Variants in NYAP2 observed in about 807,000 individuals in gnomAD.
NYAP2 encodes the protein neuronal tyrosine-phosphorylated phosphoinositide-3-kinase adapter 2.
In NYAP2, 23 loss-of-function variants were observed where a neutral mutation model predicts 50.4. The ratio of observed to expected loss-of-function variants is 0.46; its 90% CI spans 0.33 to 0.65. The LOEUF is 0.65. NYAP2 is among the 30% of genes least tolerant of loss of function. The probability of loss-of-function intolerance (pLI) is 0.02; values close to 1 mark genes in which losing one functional copy is unlikely to be tolerated. For synonymous variants in NYAP2, 394 were observed against 365.2 expected (o/e 1.08, Z -0.90); for missense variants, 885 against 861.0 (o/e 1.03, Z -0.35).
At chr2:225,418,254 G>C (rs965550332) in intron 3 of NYAP2, among the ~76,000 whole-genome samples, 1 of 152,132 alleles carries the variant, frequency 6.6e-6, no homozygotes, top group Non-Finnish European at 1.5e-5. Flanking sequence ...ACTGTGGCTC[G>C]AACAGGGCAG....
chr2:225,513,558 A>G (rs1259132117), exon 4 of NYAP2: 1 of 1,609,214 alleles, frequency 6.2e-7, no homozygotes, highest in Non-Finnish European at 8.5e-7. Context: ...TGGCTCACGG[A>G]GACAACCACC....
intron 3 of NYAP2, among the ~76,000 whole-genome samples, chr2:225,423,618 G>C (rs1695246448): frequency 6.6e-6 from 1 of 152,136 alleles, no homozygotes; most frequent in African/African-American, 2.4e-5. Context: ...TGTTCGCCTA[G>C]ACAAGTGTAT....
At chr2:225,411,245 T>C (rs1049347199) in intron 3 of NYAP2, among the ~76,000 whole-genome samples, 3 of 152,276 alleles carry the variant, frequency 2.0e-5, no homozygotes, top group African/African-American at 7.2e-5. Context: ...ATTTTCTGAT[T>C]GATGAGATGC....
chr2:225,570,659 C>G (rs1453924295), intron 4 of NYAP2, among the ~76,000 whole-genome samples: 1 of 152,158 alleles, frequency 6.6e-6, no homozygotes, highest in Non-Finnish European at 1.5e-5. Flanking sequence ...CTGGGCCCAT[C>G]CCATAACACA....
intron 5 of NYAP2, among the ~76,000 whole-genome samples, chr2:225,600,557 G>A (rs1356052752): frequency 6.6e-6 from 1 of 152,172 alleles, no homozygotes; most frequent in Non-Finnish European, 1.5e-5. Context: ...ACTCAGGAAT[G>A]AATAAGGACA....
chr2:225,600,621 C>G (rs1574702616), intron 5 of NYAP2, among the ~76,000 whole-genome samples: 1 of 152,196 alleles, frequency 6.6e-6, no homozygotes, highest in African/African-American at 2.4e-5. Context: ...CCTTCACTGT[C>G]TCAGTTACAG....
At chr2:225,643,596 C>A (rs1693571984) in intron 6 of NYAP2, among the ~76,000 whole-genome samples, 1 of 138,276 alleles carries the variant, frequency 7.2e-6, no homozygotes, top group Non-Finnish European at 1.6e-5. Flanking sequence ...CCTCCCCCCT[C>A]CCCCACCCCA....
Position 225,582,546 on chromosome 2 carries a change from G to C in NYAP2, c.1129G>C (p.Gly377Arg), listed in dbSNP as rs538675320. ...CGTGTCTTACATGAAACAGCCAGCC[G>C]GGGCGTCGCCCTCCACGCTGCCGTC... The change falls in exon 5 of 7, where the codon GGG becomes CGG. Residue 377 changes from glycine to arginine, a missense_variant. Physicochemically the swap from Gly to Arg is moderately radical, Grantham distance 125 (BLOSUM62 -2). Coordinates refer to ENST00000636099, the Ensembl canonical transcript of NYAP2. The surrounding 1 kb of genome is among the most constrained non-coding windows in gnomAD (Gnocchi z 7.0). 1 of 1,574,892 alleles carries C rather than the reference G, an allele frequency of 6.3e-7. No individual in the cohort carries two copies. Among genetic ancestry groups the C allele is most frequent in the Non-Finnish European group, 8.6e-7 (1 of 1,160,330 alleles).
chr2:225,553,274 A>G (rs1691713611), intron 4 of NYAP2, among the ~76,000 whole-genome samples: 1 of 152,242 alleles, frequency 6.6e-6, no homozygotes, highest in South Asian at 2.1e-4. Flanking sequence ...CCAGGAAGAA[A>G]CAAGTTCCCC....
chr2:225,485,313 A>G (rs974566500), intron 3 of NYAP2, among the ~76,000 whole-genome samples: 2 of 152,160 alleles, frequency 1.3e-5, no homozygotes, highest in Non-Finnish European at 2.9e-5. Context: ...CTGTGAGTCA[A>G]TTAAACCTCT....
chr2:225,555,816 C>A (rs1422257704), intron 4 of NYAP2, among the ~76,000 whole-genome samples: 1 of 152,156 alleles, frequency 6.6e-6, no homozygotes, highest in South Asian at 2.1e-4. Flanking sequence ...TGGTGAGGAA[C>A]ACAGATGGAA....
At chr2:225,440,166 TCAAA>T (rs1689447167) in intron 3 of NYAP2, among the ~76,000 whole-genome samples, 1 of 152,152 alleles carries the variant, frequency 6.6e-6, no homozygotes, top group South Asian at 2.1e-4. Context: ...CAAAACCTTA[TCAAA>T]CAGCCATTTT....
At chr2:225,440,987 C>T (rs1689461149) in intron 3 of NYAP2, among the ~76,000 whole-genome samples, 1 of 152,184 alleles carries the variant, frequency 6.6e-6, no homozygotes, top group Non-Finnish European at 1.5e-5. Flanking sequence ...ATCACTGCTG[C>T]TCTCTATGAG....
In NYAP2 at chr2:225,550,835, A is replaced by G. The variant is rs575219682; in HGVS notation, c.524-31106A>G. 2.0e-5 allele frequency among the ~76,000 whole-genome samples: 3 copies of G among 152,344 alleles called. No individual in the cohort carries two copies. The South Asian group carries it at 6.2e-4, about 32-fold the overall frequency. The stretch of plus-strand genomic sequence containing the variant: ...GAGCTTTTTCCAATGCAACCAAAGA[A>G]GGGAAAATGAAGAACCGGCTGTAAA... On this transcript the variant is annotated intron_variant, in intron 4 of 6. Coordinates refer to ENST00000636099, the Ensembl canonical transcript of NYAP2.
chr2:225,654,970 G>T (rs1172215169), downstream of NYAP2, among the ~76,000 whole-genome samples: 1 of 152,202 alleles, frequency 6.6e-6, no homozygotes, highest in African/African-American at 2.4e-5. Flanking sequence ...TTAGGTGAAA[G>T]TGCTTGACAT....
chr2:225,555,591 G>C (rs1313327881), intron 4 of NYAP2, among the ~76,000 whole-genome samples: 1 of 152,094 alleles, frequency 6.6e-6, no homozygotes, highest in Admixed American at 6.5e-5. Flanking sequence ...GTTTTCAATG[G>C]TAAATGTGCA....
At chr2:225,626,850 T>A in intron 5 of NYAP2, 67 bp from the exon 6 acceptor site, 1 of 1,233,638 alleles carries the variant, frequency 8.1e-7, no homozygotes, top group Middle Eastern at 1.9e-4. Flanking sequence ...TCACACTAAT[T>A]TTTTGAAAGT....
chr2:225,646,322 C>A (rs140665127), intron 6 of NYAP2, among the ~76,000 whole-genome samples: 1 of 152,172 alleles, frequency 6.6e-6, no homozygotes, highest in Non-Finnish European at 1.5e-5. Context: ...GAGGCCAAGG[C>A]GGGCAGATCA....
the NYAP2 span, among the ~76,000 whole-genome samples, chr2:225,694,271 C>T: frequency 2.7e-5 from 4 of 150,806 alleles, no homozygotes. Flanking sequence ...CTTTCAATTC[C>T]AGGGAGAGGT....
Sources: gnomAD v4.1 joint callset for allele counts (sites outside exome capture counted in the v4.1 genomes callset) on GRCh38, gnomAD v4.1.1 for gene constraint, Gnocchi (gnomAD v3.1) non-coding constraint, MANE v1.5 for transcripts, NCBI Gene and HGNC (gene_info 2026-07-23, HGNC 2026-07-21) for gene names.